The following PRDM16 variants were observed in gnomAD, a reference collection of about 807,000 sequenced individuals.
PRDM16 encodes histone-lysine N-methyltransferase PRDM16.
In PRDM16, 23 loss-of-function variants were observed where a neutral mutation model predicts 110.6. The observed-to-expected ratio is 0.21, with a 90% CI of 0.15 to 0.29. The LOEUF is 0.29. PRDM16 is among the 10% of genes least tolerant of loss of function. The pLI is 1.00. For synonymous variants in PRDM16, 799 were observed against 781.8 expected (o/e 1.02, Z -0.37); for missense variants, 1,615 against 1,794.3 (o/e 0.90, Z 1.81).
chr1:3,220,817 G>A (rs1361658598), intron 2 of PRDM16, among the ~76,000 whole-genome samples: 1 of 152,192 alleles, frequency 6.6e-6, no homozygotes, highest in Non-Finnish European at 1.5e-5. Flanking sequence ...GCTACAGTCT[G>A]CATGGGGAAG....
At position 3,349,334 on chromosome 1, in the gene PRDM16, C is replaced by T. The variant is rs188472848; in HGVS notation, c.439-35818C>T. ...GGCACGCTGTGAGTGATAAAAGGGG[C>T]TTTGGAAAGGTGCTGACGTGGCACC... is the stretch of plus-strand genomic sequence containing the variant. On this transcript the variant is annotated intron_variant, in intron 3 of 16. Transcript: ENST00000270722. 4.2e-3 allele frequency among the ~76,000 whole-genome samples: 633 copies of T among 152,282 alleles called. 5 individuals carry two copies. The highest frequency in any genetic ancestry group is 6.5e-3 in the Non-Finnish European group (439 of 68,028).
intron 1 of PRDM16, among the ~76,000 whole-genome samples, chr1:3,079,831 T>C (rs564038649): frequency 6.6e-6 from 1 of 152,256 alleles, no homozygotes; most frequent in East Asian, 1.9e-4. Context: ...GCTTCTGAGG[T>C]TGGCCTGAGA....
intron 2 of PRDM16, among the ~76,000 whole-genome samples, chr1:3,194,752 C>T (rs1363197550): frequency 6.6e-6 from 1 of 152,216 alleles, no homozygotes; most frequent in African/African-American, 2.4e-5. Context: ...GATCGCCACA[C>T]ATTAGGGCTT....
intron 3 of PRDM16, among the ~76,000 whole-genome samples, chr1:3,257,120 G>T (rs1354169919): frequency 6.6e-6 from 1 of 152,222 alleles, no homozygotes; most frequent in South Asian, 2.1e-4. Context: ...AGTAAGTGGC[G>T]AAGGTAGTCA....
intron 1 of PRDM16, among the ~76,000 whole-genome samples, chr1:3,087,813 T>C (rs1435896709): frequency 6.6e-6 from 1 of 152,178 alleles, no homozygotes; most frequent in Non-Finnish European, 1.5e-5. Context: ...TGAGATGCCT[T>C]TGGACAACAA....
intron 1 of PRDM16, among the ~76,000 whole-genome samples, chr1:3,110,079 G>A (rs544551597): frequency 6.6e-6 from 1 of 150,516 alleles, no homozygotes; most frequent in Non-Finnish European, 1.5e-5. Context: ...CCTCTGTCCT[G>A]GGTGTGGGGA....
chr1:3,113,510 C>T (rs1015504841), intron 1 of PRDM16, among the ~76,000 whole-genome samples: 16 of 152,064 alleles, frequency 1.1e-4, no homozygotes, highest in Non-Finnish European at 1.6e-4. Flanking sequence ...GGGGAGGGGA[C>T]GAGACAGACC....
intron 3 of PRDM16, among the ~76,000 whole-genome samples, chr1:3,378,007 G>C (rs895860637): frequency 1.3e-5 from 2 of 152,182 alleles, no homozygotes; most frequent in Non-Finnish European, 2.9e-5. Context: ...ACCAAAACAG[G>C]CCCGGCTCCC....
chr1:3,435,720 G>A lies in PRDM16; in HGVS notation c.*1909G>A. On this transcript the variant is annotated 3_prime_UTR_variant, in exon 17 of 17. Coordinates refer to ENST00000270722, the MANE Select transcript of PRDM16 (RefSeq NM_022114.4). The stretch of plus-strand genomic sequence containing the variant: ...TGGACATCTCCTCAGGCTGTCCCCA[G>A]CGGTGACGGGAGGTGTCCTGGCTGC... 1 of 232,780 alleles carries A rather than the reference G, an allele frequency of 4.3e-6. No homozygotes were observed. Among genetic ancestry groups the A allele is most frequent in the Non-Finnish European group, 8.5e-6 (1 of 117,772 alleles). The allele number at this position is 232,780 out of a possible 1,614,324, so 14.4% of individuals were successfully genotyped here.
chr1:3,149,941 G>A (rs902031310), intron 1 of PRDM16, among the ~76,000 whole-genome samples: 5 of 152,212 alleles, frequency 3.3e-5, no homozygotes, highest in Non-Finnish European at 7.3e-5. Flanking sequence ...AAGGTTCAAG[G>A]AGGCAGGAGC....
Position 3,081,007 on chromosome 1 carries a change from A to T in PRDM16, c.37+11711A>T, listed in dbSNP as rs143005427. The stretch of plus-strand genomic sequence containing the variant: ...GAGTGTCCTCATGAACAAAAGGCCT[A>T]AAAAAAAGCAGAGAGTAAGGGAGCT... On this transcript the variant is annotated intron_variant, in intron 1 of 16. Coordinates refer to ENST00000270722, the MANE Select transcript of PRDM16 (RefSeq NM_022114.4). This position sits in a 1 kb window ranked among gnomAD's most constrained non-coding sequence, Gnocchi z 4.6. Among the ~76,000 whole-genome samples the T allele has an allele frequency of 1.7e-4, 26 of 150,972 alleles. No homozygotes were observed. Among genetic ancestry groups the T allele is most frequent in the African/African-American group, 5.9e-4 (24 of 40,604 alleles).
intron 1 of PRDM16, among the ~76,000 whole-genome samples, chr1:3,099,810 A>G (rs965882145): frequency 8.5e-5 from 13 of 152,354 alleles, no homozygotes; most frequent in Admixed American, 8.5e-4. Context: ...ATGGGAGGAA[A>G]TGCAGGTGCT....
intron 2 of PRDM16, among the ~76,000 whole-genome samples, chr1:3,204,277 G>T (rs1034907858): frequency 2.6e-5 from 4 of 152,114 alleles, no homozygotes; most frequent in Non-Finnish European, 5.9e-5. Context: ...ACGTCTGTGT[G>T]GGGGGAGGGC....
At chr1:3,410,379 C>T (rs947477804) in intron 8 of PRDM16, among the ~76,000 whole-genome samples, 4 of 152,136 alleles carry the variant, frequency 2.6e-5, no homozygotes, top group African/African-American at 9.7e-5. Flanking sequence ...CGGGCACTGC[C>T]GCTTCCATCC....
At chr1:3,416,168 C>A (rs977601585) in intron 10 of PRDM16, among the ~76,000 whole-genome samples, 2 of 152,198 alleles carry the variant, frequency 1.3e-5, no homozygotes, top group African/African-American at 4.8e-5. Flanking sequence ...GTATTTTTAT[C>A]GTAACCAGTT....
At chr1:3,289,449 T>G (rs1446379791) in intron 3 of PRDM16, among the ~76,000 whole-genome samples, 1 of 152,212 alleles carries the variant, frequency 6.6e-6, no homozygotes, top group Non-Finnish European at 1.5e-5. Context: ...ACCTGCAGCT[T>G]CCCCACGCTG....
intron 3 of PRDM16, among the ~76,000 whole-genome samples, chr1:3,342,138 C>T (rs921593202): frequency 1.3e-5 from 2 of 152,156 alleles, no homozygotes; most frequent in Non-Finnish European, 2.9e-5. Flanking sequence ...CTCGTGCCGG[C>T]GTGGCTCACC....
intron 1 of PRDM16, among the ~76,000 whole-genome samples, chr1:3,181,720 TCTTACACACGGTCTTACACACGGA>T (rs1644201626): frequency 1.1e-5 from 1 of 91,028 alleles, no homozygotes; most frequent in African/African-American, 3.8e-5. Context: ...ACACACGCAG[TCTTACACACGGTCTTACACACGGA>T]GTCTTACACA....
rs1198146847 is a variant in PRDM16, at chr1:3,245,109, GGAGCCAGTGCT to G, written c.438+976_438+986del. Among the ~76,000 whole-genome samples, 2 of 152,184 alleles carry G rather than the reference GGAGCCAGTGCT, an allele frequency of 1.3e-5. No individual in the cohort carries two copies. Among genetic ancestry groups the G allele is most frequent in the African/African-American group, 2.4e-5 (1 of 41,444 alleles). ...GCACCATGGGGGTTGCTGGCACAGA[GGAGCCAGTGCT>G]GAGTCAGTGCCTACCGAGTGCTGTT... On this transcript the variant is annotated intron_variant, in intron 3 of 16. Coordinates refer to ENST00000270722, the MANE Select transcript of PRDM16 (RefSeq NM_022114.4). The surrounding 1 kb of genome is among the most constrained non-coding windows in gnomAD (Gnocchi z 4.7).
Sources: gnomAD v4.1 joint callset for allele counts (sites outside exome capture counted in the v4.1 genomes callset) on GRCh38, gnomAD v4.1.1 for gene constraint, Gnocchi (gnomAD v3.1) non-coding constraint, MANE v1.5 for transcripts, NCBI Gene and HGNC (gene_info 2026-07-23, HGNC 2026-07-21) for gene names.